Variants in KLF12 observed in about 807,000 individuals in gnomAD.
KLF12 encodes the protein Krueppel-like factor 12.
In KLF12, 9 loss-of-function variants were observed where a neutral mutation model predicts 37.8. The observed-to-expected ratio is 0.24, with a 90% CI of 0.14 to 0.42. The LOEUF (loss-of-function observed/expected upper bound fraction) is 0.42. Ranked by LOEUF, KLF12 falls within the 10% of genes least tolerant of loss-of-function variation. The pLI, the probability that KLF12 is intolerant of heterozygous loss-of-function variation, is 1.00. For synonymous variants in KLF12, 208 were observed against 202.1 expected, an observed-to-expected ratio of 1.03 and a Z score of -0.25; for missense variants, 411 against 516.0, an observed-to-expected ratio of 0.80 and a Z score of 1.97.
chr13:74,260,128 A>T, the KLF12 span, among the ~76,000 whole-genome samples: 1 of 152,128 alleles, frequency 6.6e-6, no homozygotes, highest in Non-Finnish European at 1.5e-5. Context: ...TAAACTAAAT[A>T]CACACACACT....
chr13:73,805,094 C>T (rs780118034), intron 5 of KLF12, among the ~76,000 whole-genome samples: 160 of 152,290 alleles, frequency 1.1e-3, no homozygotes, highest in Middle Eastern at 6.8e-3. Context: ...TAAGTTGACT[C>T]AGTGCCCTTT....
At position 74,127,875 on chromosome 13, in the gene KLF12, CTTGAT is replaced by C. The variant is rs1435615300; in HGVS notation, c.-32+5859_-32+5863del. On this transcript the variant is annotated intron_variant, in intron 1 of 7. Coordinates refer to ENST00000377669, the MANE Select transcript of KLF12 (RefSeq NM_007249.5). Reference sequence around the variant, plus strand: ...TCAGACATAGCTTAATCAACACAATCTTGATTTAACTGGGGATTTGCAGTTCAATG... The same window carrying C: ...TCAGACATAGCTTAATCAACACAATCTTAACTGGGGATTTGCAGTTCAATG... 2.6e-5 allele frequency among the ~76,000 whole-genome samples: 4 copies of C among 152,222 alleles called. No individual in the cohort carries two copies. The East Asian group carries it at 7.7e-4, about 29-fold the overall frequency.
At chr13:74,035,748 GGTAA>G (rs927077856) in intron 1 of KLF12, among the ~76,000 whole-genome samples, 9 of 151,756 alleles carry the variant, frequency 5.9e-5, no homozygotes, top group South Asian at 2.1e-4. Flanking sequence ...CTTAAAAATG[GGTAA>G]GTATCAGCAT....
chr13:74,201,422 A>T, the KLF12 span, among the ~76,000 whole-genome samples: 1 of 152,232 alleles, frequency 6.6e-6, no homozygotes, highest in Non-Finnish European at 1.5e-5. Flanking sequence ...TCCTGATCTT[A>T]GAATAAGTTT....
intron 1 of KLF12, among the ~76,000 whole-genome samples, chr13:74,056,510 C>T (rs1303094840): frequency 2.0e-5 from 3 of 152,158 alleles, no homozygotes; most frequent in Non-Finnish European, 4.4e-5. Flanking sequence ...ACATCCATCG[C>T]TTTGAGTGCA....
At chr13:73,816,506 C>T (rs1305576738) in intron 4 of KLF12, among the ~76,000 whole-genome samples, 3 of 152,178 alleles carry the variant, frequency 2.0e-5, no homozygotes, top group East Asian at 3.8e-4. Flanking sequence ...GAGTTTCATT[C>T]CATGTGTCAA....
At chr13:73,853,184 T>C (rs978816977) in intron 3 of KLF12, among the ~76,000 whole-genome samples, 1 of 152,176 alleles carries the variant, frequency 6.6e-6, no homozygotes, top group Non-Finnish European at 1.5e-5. Context: ...ACATATGAAT[T>C]GAATTGAAAA....
intron 1 of KLF12, among the ~76,000 whole-genome samples, chr13:74,076,260 G>A (rs1456433588): frequency 6.6e-6 from 1 of 152,038 alleles, no homozygotes; most frequent in African/African-American, 2.4e-5. Context: ...GCACATCTTA[G>A]TGCATTTGTG....
At chr13:74,182,172 C>T in the KLF12 span, among the ~76,000 whole-genome samples, 1 of 152,140 alleles carries the variant, frequency 6.6e-6, no homozygotes, top group African/African-American at 2.4e-5. Context: ...TACTATTCTT[C>T]CTGCTTTTAT....
chr13:73,821,502 T>C (rs1276400719), intron 4 of KLF12, among the ~76,000 whole-genome samples: 1 of 152,206 alleles, frequency 6.6e-6, no homozygotes. Context: ...GTGCCCCTCA[T>C]TAAATCGGAT....
At chr13:74,250,259 C>T in the KLF12 span, among the ~76,000 whole-genome samples, 1 of 152,116 alleles carries the variant, frequency 6.6e-6, no homozygotes, top group Admixed American at 6.5e-5. Flanking sequence ...GAGCTATGTG[C>T]TTGAAGAAAA....
chr13:74,172,142 G>GACACACAAACACAC, the KLF12 span, among the ~76,000 whole-genome samples: 1 of 145,960 alleles, frequency 6.9e-6, no homozygotes, highest in Non-Finnish European at 1.5e-5. Flanking sequence ...TTTTCCTCAC[G>GACACACAAACACAC]ACACACACAC....
intron 3 of KLF12, among the ~76,000 whole-genome samples, chr13:73,909,184 T>G (rs1888456297): frequency 6.6e-6 from 1 of 152,166 alleles, no homozygotes; most frequent in African/African-American, 2.4e-5. Flanking sequence ...CTTCTAACCC[T>G]CCCAGCCCAA....
intron 6 of KLF12, among the ~76,000 whole-genome samples, chr13:73,719,198 G>C (rs1876040117): frequency 6.6e-6 from 1 of 152,180 alleles, no homozygotes; most frequent in Non-Finnish European, 1.5e-5. Context: ...CAGAAGTGCA[G>C]AAGAACCTGA....
At chr13:74,279,334 G>A in the KLF12 span, among the ~76,000 whole-genome samples, 2 of 152,084 alleles carry the variant, frequency 1.3e-5, no homozygotes, top group Non-Finnish European at 2.9e-5. Flanking sequence ...TGAATGTAAA[G>A]TATTTTACAT....
intron 1 of KLF12, among the ~76,000 whole-genome samples, chr13:74,131,874 T>C (rs1199524159): frequency 6.6e-6 from 1 of 152,046 alleles, no homozygotes; most frequent in Non-Finnish European, 1.5e-5. Flanking sequence ...ATGCTCAAAT[T>C]GCTCTTTCCC....
chr13:74,246,598 T>C, the KLF12 span, among the ~76,000 whole-genome samples: 1 of 152,206 alleles, frequency 6.6e-6, no homozygotes, highest in African/African-American at 2.4e-5. Context: ...CACAGACCAA[T>C]GTGAGGAACA....
the KLF12 span, among the ~76,000 whole-genome samples, chr13:74,222,679 C>T: frequency 6.6e-6 from 1 of 152,082 alleles, no homozygotes; most frequent in African/African-American, 2.4e-5. Context: ...TTTCAGATAA[C>T]CTGGGAGATA....
intron 5 of KLF12, among the ~76,000 whole-genome samples, chr13:73,804,644 A>G (rs1882464864): frequency 6.6e-6 from 1 of 152,186 alleles, no homozygotes; most frequent in African/African-American, 2.4e-5. Flanking sequence ...TTCACAGTCA[A>G]TCAAAGCTTT....
Sources: allele counts gnomAD v4.1 joint callset (sites outside exome capture counted in the v4.1 genomes callset), GRCh38; gene constraint gnomAD v4.1.1; transcripts MANE v1.5; gene names NCBI Gene and HGNC (gene_info 2026-07-23, HGNC 2026-07-21).